SLC2A10: variants seen among roughly 807,000 people sequenced by gnomAD.
SLC2A10 encodes solute carrier family 2, facilitated glucose transporter member 10.
SLC2A10 carries 25 observed loss-of-function variants against 32.1 expected under a neutral mutation model. That is an observed-to-expected ratio of 0.78 (90% CI 0.57 to 1.09). The LOEUF (loss-of-function observed/expected upper bound fraction) is 1.09. Ranked by LOEUF, SLC2A10 falls within the 50% of genes least tolerant of loss-of-function variation. The probability of loss-of-function intolerance (pLI) is 0.00; values close to 1 mark genes in which losing one functional copy is unlikely to be tolerated. For synonymous variants in SLC2A10, 332 were observed against 309.6 expected, an observed-to-expected ratio of 1.07 and a Z score of -0.76; for missense variants, 673 against 686.5, an observed-to-expected ratio of 0.98 and a Z score of 0.22.
chr20:46,725,732 C>T lies in SLC2A10; in HGVS notation c.696C>T (p.Thr232=), dbSNP rs138679634. The change falls in exon 2 of 5, where the codon ACC becomes ACT. Residue 232 remains threonine, a synonymous_variant. Transcript: ENST00000359271. ...CACGCGATAACATGCGAGGCCGGAC[C>T]ACAGTGGGCCTGGGGCTGGTGCTCT... ...FRARDNMRGR[T]TVGLGLVLFQ... is the part of the protein sequence containing the mutation. 2.5e-6 allele frequency: 4 copies of T among 1,614,178 alleles called. No homozygotes were observed. Among genetic ancestry groups the T allele is most frequent in the Non-Finnish European group, 3.4e-6 (4 of 1,180,026 alleles).
In SLC2A10 at chr20:46,725,238, C is replaced by G; in HGVS notation, c.202C>G (p.Leu68Val). 6.2e-7 allele frequency: 1 copy of G among 1,614,146 alleles called. No homozygotes were observed. Among genetic ancestry groups the G allele is most frequent in the South Asian group, 1.1e-5 (1 of 91,082 alleles). The change falls in exon 2 of 5, where the codon CTC (leucine) becomes GTC (valine). Residue 68 changes from leucine (L) to valine (V), a missense_variant. Leu to Val is a conservative substitution (Grantham distance 32). Transcript: ENST00000359271. ...CCTCGCCTCCCTGGTTGGTGGCTTC[C>G]TCATTGACTGCTATGGCAGGAAGCA... ...ALLASLVGGF[L>V]IDCYGRKQAI...
At chr20:46,709,439 G>T, upstream of SLC2A10, 1 of 434,424 alleles carries the variant, frequency 2.3e-6, no homozygotes, top group Non-Finnish European at 4.0e-6. Context: ...CCAACGAAGG[G>T]GACCCGGGAG....
chr20:46,734,211 T>A lies in SLC2A10; in HGVS notation c.*377T>A. The A allele has an allele frequency of 3.3e-6, 1 of 301,552 alleles. No individual in the cohort carries two copies. Among genetic ancestry groups the A allele is most frequent in the Admixed American group, 4.6e-5 (1 of 21,818 alleles). The allele number at this position is 301,552 out of a possible 1,614,324, so 18.7% of individuals were successfully genotyped here. On this transcript the variant is annotated 3_prime_UTR_variant, in exon 5 of 5. Coordinates refer to ENST00000359271, the MANE Select transcript of SLC2A10 (RefSeq NM_030777.4). ...TCCCGATATCACCCCTAAATCCAAA[T>A]GAGGATATCATCTTTTCTAATCTCT...
At chr20:46,722,936 G>A (rs758521494) in intron 1 of SLC2A10, among the ~76,000 whole-genome samples, 30 of 152,232 alleles carry the variant, frequency 2.0e-4, no homozygotes, top group African/African-American at 4.1e-4. Flanking sequence ...CTTAGTTTTC[G>A]TTAGCACTCT....
chr20:46,729,442 A>G lies in SLC2A10; in HGVS notation c.1501A>G (p.Lys501Glu). 1 of 1,614,070 alleles carries G rather than the reference A, an allele frequency of 6.2e-7. No homozygotes were observed. Reference protein sequence around the residue: ...GFIYLFVPETKGQSLAEIDQQ... With the variant: ...GFIYLFVPETEGQSLAEIDQQ... ...CATCTATTTATTTGTTCCTGAAACA[A>G]AAGGCCAGTCGTTGGCAGAGATAGA... is the stretch of plus-strand genomic sequence containing the variant. The change falls in exon 4 of 5, where the codon AAA becomes GAA. Residue 501 changes from lysine (K) to glutamate (E), a missense_variant. Transcript: ENST00000359271.
rs1042830766 is a variant in SLC2A10, at chr20:46,734,426, A to T, written c.*592A>T. 1 of 164,090 alleles carries T rather than the reference A, an allele frequency of 6.1e-6. No homozygotes were observed. Among genetic ancestry groups the T allele is most frequent in the African/African-American group, 2.4e-5 (1 of 41,428 alleles). 10.2% of individuals were successfully genotyped at this position (164,090 alleles called of 1,614,324 possible). ...CCTAAGCAGCTGGGACTACAGGCGC[A>T]TGCAACCATACCCAGCTAATTTATT... is the stretch of plus-strand genomic sequence containing the variant. On this transcript the variant is annotated 3_prime_UTR_variant, in exon 5 of 5. Transcript: ENST00000359271.
rs1407824130 is a variant in SLC2A10 at position 46,729,380 on chromosome 20, T to A, written c.1439T>A (p.Leu480Gln). The A allele has an allele frequency of 5.0e-6, 8 of 1,613,850 alleles. No homozygotes were observed. The highest frequency in any genetic ancestry group is 5.9e-6 in the Non-Finnish European group (7 of 1,180,016). The stretch of plus-strand genomic sequence containing the variant: ...ACCATCGGCTTGTCCTGGACCTTCC[T>A]GCTCTACGGACTGACCGCTGTCCTC... Reference protein sequence around the residue: ...IGTIGLSWTFLLYGLTAVLGL... With the variant: ...IGTIGLSWTFQLYGLTAVLGL... Residue 480 changes from leucine to glutamine, a missense_variant, in exon 4 of 5, where the codon CTG becomes CAG. Coordinates refer to ENST00000359271, the MANE Select transcript of SLC2A10 (RefSeq NM_030777.4).
Position 46,725,330 on chromosome 20 carries a change from G to A in SLC2A10, c.294G>A (p.Leu98=), listed in dbSNP as rs771271272. 8 of 1,614,086 alleles carry A rather than the reference G, an allele frequency of 5.0e-6. No homozygotes were observed. The highest frequency in any genetic ancestry group is 6.8e-6 in the Non-Finnish European group (8 of 1,180,036). Residue 98 remains leucine (L), a synonymous_variant, in exon 2 of 5, where the codon CTG becomes CTA. Coordinates refer to ENST00000359271, the MANE Select transcript of SLC2A10 (RefSeq NM_030777.4). ...TGACCCTGGGCCTGGCTGGTTCCCT[G>A]GCCTGGCTGGTCCTGGGCCGCGCTG... ...GSLTLGLAGS[L]AWLVLGRAVV...
At chr20:46,727,495 A>T (rs1288418561) in intron 3 of SLC2A10, among the ~76,000 whole-genome samples, 2 of 151,868 alleles carry the variant, frequency 1.3e-5, no homozygotes, top group East Asian at 1.9e-4. Flanking sequence ...TAATTTTTGT[A>T]TTTTTTGTAA....
chr20:46,733,499 C>T (rs557796101), intron 4 of SLC2A10, among the ~76,000 whole-genome samples: 7 of 152,034 alleles, frequency 4.6e-5, no homozygotes, highest in Non-Finnish European at 8.8e-5. Context: ...CAGATTTTTG[C>T]GTTTAGGAAG....
intron 1 of SLC2A10, 102 bp downstream of exon 1, chr20:46,709,842 C>A: frequency 7.1e-7 from 1 of 1,411,540 alleles, no homozygotes; most frequent in Non-Finnish European, 9.7e-7. Context: ...CTGGCTCCCC[C>A]AGGGCCGCCC....
intron 1 of SLC2A10, among the ~76,000 whole-genome samples, chr20:46,717,188 CAT>C (rs909355698): frequency 7.3e-5 from 11 of 151,598 alleles, no homozygotes; most frequent in Non-Finnish European, 1.5e-4. Context: ...GAAAGGAAAA[CAT>C]AGAAAATGTA....
At chr20:46,733,064 C>T (rs1484132377) in intron 4 of SLC2A10, among the ~76,000 whole-genome samples, 1 of 152,098 alleles carries the variant, frequency 6.6e-6, no homozygotes, top group African/African-American at 2.4e-5. Context: ...TGATGGTCTC[C>T]TTCTGAGCAG....
chr20:46,734,530 C>G lies in SLC2A10; in HGVS notation c.*696C>G, dbSNP rs1327028366. The stretch of plus-strand genomic sequence containing the variant: ...GCTCAAGTGATCCACCCACCTCAGC[C>G]TCCCAGAGTGCTAGGATTACAGGCC... On this transcript the variant is annotated 3_prime_UTR_variant, in exon 5 of 5. Coordinates refer to ENST00000359271, the MANE Select transcript of SLC2A10 (RefSeq NM_030777.4). 1 of 153,546 alleles carries G rather than the reference C, an allele frequency of 6.5e-6. No homozygotes were observed. Among genetic ancestry groups the G allele is most frequent in the African/African-American group, 2.4e-5 (1 of 41,470 alleles). The allele number at this position is 153,546 out of a possible 1,614,324, so 9.5% of individuals were successfully genotyped here. A position where few individuals can be genotyped will look rare whatever the true frequency, so the allele number is the denominator to read the frequency against.
chr20:46,732,160 A>G (rs1980336064), intron 4 of SLC2A10, among the ~76,000 whole-genome samples: 1 of 152,234 alleles, frequency 6.6e-6, no homozygotes, highest in South Asian at 2.1e-4. Context: ...TTAAGGACAC[A>G]TTAGTAATAC....
chr20:46,726,841 G>T, intron 2 of SLC2A10, 23 bp from the exon 3 acceptor site: 3 of 1,613,834 alleles, frequency 1.9e-6, no homozygotes, highest in Non-Finnish European at 1.7e-6. Context: ...CAGCCCAGGA[G>T]CCCTCCTGCT....
At chr20:46,717,296 G>A (rs763044465) in intron 1 of SLC2A10, among the ~76,000 whole-genome samples, 2 of 152,188 alleles carry the variant, frequency 1.3e-5, no homozygotes, top group African/African-American at 2.4e-5. Context: ...TATCCTGATA[G>A]CACAGTAAAT....
At chr20:46,721,452 A>AAG (rs1323748180) in intron 1 of SLC2A10, among the ~76,000 whole-genome samples, 298 of 150,086 alleles carry the variant, frequency 2.0e-3, no homozygotes, top group African/African-American at 6.5e-3. Flanking sequence ...AAAAAAAAAA[A>AAG]AGAGAGAGAG....
chr20:46,709,841 C>T, intron 1 of SLC2A10, 101 bp downstream of exon 1: 1 of 1,411,650 alleles, frequency 7.1e-7, no homozygotes. Context: ...CCTGGCTCCC[C>T]CAGGGCCGCC....
Sources: gnomAD v4.1 joint callset for allele counts (sites outside exome capture counted in the v4.1 genomes callset) on GRCh38, gnomAD v4.1.1 for gene constraint, MANE v1.5 for transcripts, NCBI Gene and HGNC (gene_info 2026-07-23, HGNC 2026-07-21) for gene names.